The following GRIK3 variants were observed in gnomAD, a reference collection of about 807,000 sequenced individuals.
GRIK3 encodes the protein glutamate receptor ionotropic, kainate 3.
A neutral mutation model predicts 102.5 loss-of-function variants in GRIK3; 29 were observed. That is an observed-to-expected ratio of 0.28 (90% confidence interval 0.21 to 0.39). GRIK3 has a LOEUF of 0.39. Ranked by LOEUF, GRIK3 falls within the 10% of genes least tolerant of loss-of-function variation. The probability of loss-of-function intolerance (pLI) is 1.00; values close to 1 mark genes in which losing one functional copy is unlikely to be tolerated. For missense variants in GRIK3, 908 were observed against 1,252.4 expected, an observed-to-expected ratio of 0.73 and a Z score of 4.15; for synonymous variants, 511 against 504.9, an observed-to-expected ratio of 1.01 and a Z score of -0.16.
At chr1:36,958,231 C>T (rs1361453523) in intron 1 of GRIK3, among the ~76,000 whole-genome samples, 3 of 108,920 alleles carry the variant, frequency 2.8e-5, no homozygotes, top group South Asian at 3.6e-4. Flanking sequence ...AGCCTGTGTG[C>T]CCCGTGAGCC....
intron 1 of GRIK3, among the ~76,000 whole-genome samples, chr1:36,948,766 G>A (rs1361227197): frequency 2.0e-5 from 3 of 152,168 alleles, no homozygotes; most frequent in Non-Finnish European, 4.4e-5. Flanking sequence ...CTGGGGGAAG[G>A]AGCGCCTGGC....
chr1:36,813,596 T>C (rs1401286407), intron 13 of GRIK3, among the ~76,000 whole-genome samples: 1 of 152,170 alleles, frequency 6.6e-6, no homozygotes, highest in Non-Finnish European at 1.5e-5. Context: ...TCTGGGTTAA[T>C]CTCAGGTCTC....
chr1:36,890,653 G>A (rs150514731), intron 2 of GRIK3, among the ~76,000 whole-genome samples: 36 of 152,270 alleles, frequency 2.4e-4, no homozygotes, highest in Admixed American at 7.2e-4. Context: ...CTACGTGCCA[G>A]CGCTTACTAT....
intron 1 of GRIK3, among the ~76,000 whole-genome samples, chr1:37,013,729 C>G (rs1642622490): frequency 1.3e-5 from 2 of 152,186 alleles, no homozygotes. Context: ...CCAAGAGCAG[C>G]TCCAGGGAAG....
At chr1:36,945,700 T>A (rs914290560) in intron 1 of GRIK3, among the ~76,000 whole-genome samples, 3 of 152,160 alleles carry the variant, frequency 2.0e-5, no homozygotes, top group Non-Finnish European at 2.9e-5. Context: ...TGTGTGTAAT[T>A]TCATATGATC....
intron 15 of GRIK3, chr1:36,804,637 T>G: frequency 2.3e-6 from 1 of 439,056 alleles, no homozygotes; most frequent in Non-Finnish European, 4.0e-6. Context: ...CCTGGAGGGT[T>G]TTATGCAGGA....
chr1:36,998,032 C>T (rs931547497), intron 1 of GRIK3, among the ~76,000 whole-genome samples: 1 of 152,180 alleles, frequency 6.6e-6, no homozygotes, highest in African/African-American at 2.4e-5. Flanking sequence ...ATGCCTGGCA[C>T]ATAGCAGCAG....
intron 1 of GRIK3, among the ~76,000 whole-genome samples, chr1:36,938,964 A>G (rs977840735): frequency 2.0e-5 from 3 of 152,208 alleles, no homozygotes; most frequent in Non-Finnish European, 4.4e-5. Flanking sequence ...CAGAGGACAC[A>G]TGAGCCAGCA....
chr1:36,957,417 T>C (rs1427263157), intron 1 of GRIK3, among the ~76,000 whole-genome samples: 69 of 144,282 alleles, frequency 4.8e-4, no homozygotes, highest in Non-Finnish European at 7.1e-4. Context: ...TGAGCCTGTG[T>C]GCCCCATGAG....
intron 1 of GRIK3, among the ~76,000 whole-genome samples, chr1:36,908,447 G>T (rs1459694511): frequency 6.6e-6 from 1 of 152,158 alleles, no homozygotes; most frequent in African/African-American, 2.4e-5. Flanking sequence ...TCAGGCATCT[G>T]ATTGTCCTGG....
chr1:36,832,384 G>A (rs1483800377), intron 10 of GRIK3, among the ~76,000 whole-genome samples: 2 of 152,188 alleles, frequency 1.3e-5, no homozygotes, highest in Non-Finnish European at 2.9e-5. Flanking sequence ...CCGTTTACAA[G>A]AGGATAAAGC....
intron 1 of GRIK3, among the ~76,000 whole-genome samples, chr1:37,027,653 C>T (rs1642777400): frequency 6.6e-6 from 1 of 152,196 alleles, no homozygotes; most frequent in Non-Finnish European, 1.5e-5. Context: ...ACGTATTTAA[C>T]CCAATGGGCA....
At chr1:36,950,241 T>C (rs1463364152) in intron 1 of GRIK3, among the ~76,000 whole-genome samples, 2 of 152,184 alleles carry the variant, frequency 1.3e-5, no homozygotes, top group East Asian at 3.9e-4. Flanking sequence ...TGAGACACGA[T>C]CAAATTGGCA....
At chr1:37,019,572 T>C (rs1642688780) in intron 1 of GRIK3, among the ~76,000 whole-genome samples, 1 of 152,144 alleles carries the variant, frequency 6.6e-6, no homozygotes, top group Non-Finnish European at 1.5e-5. Flanking sequence ...GACATTCAAA[T>C]ACCACCAAGC....
intron 1 of GRIK3, among the ~76,000 whole-genome samples, chr1:36,989,756 G>C (rs1642345239): frequency 6.6e-6 from 1 of 152,074 alleles, no homozygotes; most frequent in Non-Finnish European, 1.5e-5. Context: ...ATCTCCTGTG[G>C]GAACCAGAGC....
intron 1 of GRIK3, among the ~76,000 whole-genome samples, chr1:37,032,331 A>G (rs1477163450): frequency 6.6e-6 from 1 of 152,112 alleles, no homozygotes; most frequent in Middle Eastern, 3.2e-3. Context: ...CCCCTGTGGA[A>G]GAAGGATCAA....
At chr1:37,012,401 G>A (rs1642606192) in intron 1 of GRIK3, among the ~76,000 whole-genome samples, 1 of 152,176 alleles carries the variant, frequency 6.6e-6, no homozygotes, top group Admixed American at 6.5e-5. Flanking sequence ...TTTGGCTGAA[G>A]AGGAAAAAAG....
intron 1 of GRIK3, among the ~76,000 whole-genome samples, chr1:36,951,823 C>A (rs1641847451): frequency 6.7e-6 from 1 of 149,780 alleles, no homozygotes; most frequent in South Asian, 2.1e-4. Context: ...ATGGGGGGAA[C>A]AGGGAAGAAG....
chr1:36,925,665 C>T (rs573139250), intron 1 of GRIK3, among the ~76,000 whole-genome samples: 5 of 152,228 alleles, frequency 3.3e-5, no homozygotes, highest in South Asian at 2.1e-4. Flanking sequence ...TGCCACAGGC[C>T]GAGCATGGCA....
Sources: gnomAD v4.1 joint callset for allele counts (sites outside exome capture counted in the v4.1 genomes callset) on GRCh38, gnomAD v4.1.1 for gene constraint, MANE v1.5 for transcripts, NCBI Gene and HGNC (gene_info 2026-07-23, HGNC 2026-07-21) for gene names.